Variants in MTCL2 observed in about 807,000 individuals in gnomAD.
MTCL2 encodes the protein microtubule cross-linking factor 2.
the MTCL2 span, among the ~76,000 whole-genome samples, chr20:36,809,613 T>G: frequency 6.6e-6 from 1 of 150,406 alleles, no homozygotes; most frequent in African/African-American, 2.5e-5. Flanking sequence ...TATCACTCTG[T>G]CACCCAGGCT....
chr20:36,786,502 G>A, the MTCL2 span: 2 of 1,546,170 alleles, frequency 1.3e-6, no homozygotes, highest in Non-Finnish European at 1.7e-6. Flanking sequence ...CTGGGGGGGA[G>A]TGCCCTCTCC....
chr20:36,811,637 A>C, the MTCL2 span, among the ~76,000 whole-genome samples: 1 of 152,138 alleles, frequency 6.6e-6, no homozygotes, highest in African/African-American at 2.4e-5. Flanking sequence ...CTAAAAAAAA[A>C]AAAACAAAAA....
the MTCL2 span, among the ~76,000 whole-genome samples, chr20:36,852,033 T>C: frequency 6.6e-6 from 1 of 152,064 alleles, no homozygotes; most frequent in African/African-American, 2.4e-5. Context: ...CCCTGCCAGA[T>C]TCCAAACCTT....
chr20:36,786,246 G>A, the MTCL2 span: 1 of 1,187,000 alleles, frequency 8.4e-7, no homozygotes, highest in Non-Finnish European at 1.1e-6. Flanking sequence ...CCCAGGTTTG[G>A]TCTCTCTCCC....
the MTCL2 span, chr20:36,802,927 C>T: frequency 1.1e-5 from 18 of 1,573,450 alleles, no homozygotes; most frequent in Non-Finnish European, 1.5e-5. Flanking sequence ...AGCCGCTCCA[C>T]CAGCTGCAGC....
chr20:36,850,164 T>TCTGA, the MTCL2 span, among the ~76,000 whole-genome samples: 4 of 152,108 alleles, frequency 2.6e-5, no homozygotes, highest in Admixed American at 6.5e-5. Context: ...GGAGCTGGAA[T>TCTGA]CTGAGCCCAC....
At chr20:36,793,101 C>T in the MTCL2 span, 3 of 980,366 alleles carry the variant, frequency 3.1e-6, no homozygotes, top group Non-Finnish European at 4.3e-6. The surrounding 1 kb of genome is among the most constrained non-coding windows in gnomAD (Gnocchi z 6.8). Context: ...GATGGGGTTT[C>T]ACCATGTTGG....
At chr20:36,823,732 C>T in the MTCL2 span, among the ~76,000 whole-genome samples, 1 of 152,046 alleles carries the variant, frequency 6.6e-6, no homozygotes, top group Non-Finnish European at 1.5e-5. Flanking sequence ...CTCTTGAGCC[C>T]GGAAGTTTGA....
the MTCL2 span, among the ~76,000 whole-genome samples, chr20:36,809,407 C>T: frequency 6.6e-6 from 1 of 152,092 alleles, no homozygotes; most frequent in South Asian, 2.1e-4. Context: ...GATGAGGGCA[C>T]CATTTCATAA....
At chr20:36,813,160 C>A in the MTCL2 span, among the ~76,000 whole-genome samples, 1 of 152,044 alleles carries the variant, frequency 6.6e-6, no homozygotes, top group South Asian at 2.1e-4. Flanking sequence ...CTCTGTTCAT[C>A]CCTCTTTCAA....
the MTCL2 span, among the ~76,000 whole-genome samples, chr20:36,850,255 G>A: frequency 2.6e-5 from 4 of 152,008 alleles, no homozygotes; most frequent in Admixed American, 6.6e-5. Context: ...CCAGCAGAGC[G>A]CAGTGGCTCA....
chr20:36,803,258 A>C, the MTCL2 span, among the ~76,000 whole-genome samples: 5 of 152,134 alleles, frequency 3.3e-5, no homozygotes, highest in African/African-American at 7.2e-5. Context: ...AGTCCTCCCC[A>C]CTCAGAACTA....
At chr20:36,794,299 G>A in the MTCL2 span, 1 of 1,556,472 alleles carries the variant, frequency 6.4e-7, no homozygotes, top group Non-Finnish European at 8.7e-7. The surrounding 1 kb of genome is among the most constrained non-coding windows in gnomAD (Gnocchi z 5.4). Flanking sequence ...GGACTCCGAG[G>A]CGCCGGGCCA....
the MTCL2 span, among the ~76,000 whole-genome samples, chr20:36,857,180 T>C: frequency 6.6e-6 from 1 of 152,158 alleles, no homozygotes; most frequent in Non-Finnish European, 1.5e-5. Flanking sequence ...TCCGCCTACA[T>C]GTGTACTTCT....
the MTCL2 span, among the ~76,000 whole-genome samples, chr20:36,842,313 G>A: frequency 0.019 from 2,968 of 152,302 alleles, 86 homozygotes; most frequent in African/African-American, 0.067. Context: ...ACATACGAAT[G>A]TGCAACAATC....
chr20:36,810,717 C>CCTCTCTCTCTCTCTCTCTCT, the MTCL2 span, among the ~76,000 whole-genome samples: 145 of 94,228 alleles, frequency 1.5e-3, 8 homozygotes, highest in East Asian at 2.8e-3. Context: ...TCTCTCTCTC[C>CCTCTCTCTCTCTCTCTCTCT]CTCTCTCTCT....
the MTCL2 span, among the ~76,000 whole-genome samples, chr20:36,843,625 C>T: frequency 1.3e-5 from 2 of 152,202 alleles, no homozygotes; most frequent in Non-Finnish European, 2.9e-5. Context: ...AAGTGCAAGC[C>T]GGTAGGCTAG....
chr20:36,811,852 C>A, the MTCL2 span, among the ~76,000 whole-genome samples: 1 of 152,112 alleles, frequency 6.6e-6, no homozygotes, highest in Admixed American at 6.6e-5. Context: ...GGTGCTCAGG[C>A]TGGAAAATAC....
At chr20:36,804,786 G>T in the MTCL2 span, 633 of 1,613,842 alleles carry the variant, frequency 3.9e-4, no homozygotes, top group Non-Finnish European at 5.2e-4. Flanking sequence ...AGGTAGCCTT[G>T]GCCTTGGCAA....
Sources: allele counts gnomAD v4.1 joint callset (sites outside exome capture counted in the v4.1 genomes callset), GRCh38; gene constraint gnomAD v4.1.1; non-coding constraint Gnocchi (gnomAD v3.1); transcripts MANE v1.5; gene names NCBI Gene and HGNC (gene_info 2026-07-23, HGNC 2026-07-21).